Variants in LARP1 observed in about 807,000 individuals in gnomAD.
The protein encoded by LARP1 is la-related protein 1.
Under a neutral mutation model 122.7 loss-of-function variants are expected in LARP1, and 36 were observed. The observed-to-expected ratio is 0.29, with a 90% CI of 0.22 to 0.39. The LOEUF (loss-of-function observed/expected upper bound fraction) is 0.39, where lower values mean the gene tolerates loss of function less well. Among genes scored for constraint, LARP1 ranks in the 10% least tolerant of loss-of-function variants. The pLI, the probability that LARP1 is intolerant of heterozygous loss-of-function variation, is 1.00. For synonymous variants in LARP1, 539 were observed against 528.7 expected, an observed-to-expected ratio of 1.02 and a Z score of -0.27; for missense variants, 1,040 against 1,403.6, an observed-to-expected ratio of 0.74 and a Z score of 4.14.
intron 1 of LARP1, among the ~76,000 whole-genome samples, chr5:154,687,178 A>G (rs1753976836): frequency 6.6e-6 from 1 of 152,244 alleles, no homozygotes; most frequent in Non-Finnish European, 1.5e-5. Flanking sequence ...ATTTTCAAAT[A>G]TAATCTTCAA....
intron 1 of LARP1, chr5:154,685,835 C>T (rs762579883): frequency 3.1e-5 from 16 of 510,066 alleles, no homozygotes; most frequent in Middle Eastern, 3.2e-4. Context: ...ATTTTAGAGA[C>T]GGGGTCTTGC....
At chr5:154,710,066 G>A (rs902671263), upstream of LARP1, among the ~76,000 whole-genome samples, 1 of 152,136 alleles carries the variant, frequency 6.6e-6, no homozygotes, top group African/African-American at 2.4e-5. Flanking sequence ...TCTGACAGGA[G>A]GTGGAGCTCA....
upstream of LARP1, among the ~76,000 whole-genome samples, chr5:154,710,666 T>G (rs559655656): frequency 9.0e-5 from 13 of 144,260 alleles, no homozygotes; most frequent in African/African-American, 3.1e-4. Context: ...TCGCTTGAAC[T>G]CAGGAGGTGG....
intron 1 of LARP1, among the ~76,000 whole-genome samples, chr5:154,715,210 T>G (rs1755424946): frequency 1.3e-5 from 2 of 151,018 alleles, no homozygotes; most frequent in Non-Finnish European, 2.9e-5. Context: ...GTTGAAGATT[T>G]TAAGGCCCCT....
intron 10 of LARP1, among the ~76,000 whole-genome samples, chr5:154,801,775 C>T (rs1055756269): frequency 1.6e-4 from 24 of 152,182 alleles, no homozygotes; most frequent in Admixed American, 1.0e-3. Flanking sequence ...GTTGTTTGTG[C>T]ATGACTGTGA....
intron 3 of LARP1, chr5:154,791,917 T>C (rs1283005755): frequency 1.5e-5 from 7 of 455,574 alleles, no homozygotes; most frequent in Non-Finnish European, 3.1e-5. Context: ...GACTCTGAGA[T>C]AGGTCCTTTT....
intron 1 of LARP1, among the ~76,000 whole-genome samples, chr5:154,767,846 G>A (rs116812298): frequency 7.6e-4 from 116 of 152,256 alleles, no homozygotes; most frequent in African/African-American, 2.6e-3. Flanking sequence ...TTTGGAAATG[G>A]TGAGTGCAAG....
intron 1 of LARP1, among the ~76,000 whole-genome samples, chr5:154,764,620 A>AACT (rs60833875): frequency 6.8e-6 from 1 of 146,880 alleles, no homozygotes; most frequent in African/African-American, 2.5e-5. Flanking sequence ...AAAAAAAAAA[A>AACT]CTGGCTGGGC....
chr5:154,683,177 G>C (rs1398660216), intron 1 of LARP1, among the ~76,000 whole-genome samples: 1 of 152,212 alleles, frequency 6.6e-6, no homozygotes, highest in Non-Finnish European at 1.5e-5. Context: ...GAAAGGCACA[G>C]ATCTTACCCC....
chr5:154,809,180 T>G (rs1461665291), intron 16 of LARP1, among the ~76,000 whole-genome samples: 4 of 151,884 alleles, frequency 2.6e-5, no homozygotes, highest in African/African-American at 9.7e-5. Flanking sequence ...CTTGAGTCCT[T>G]TTTTCCTGGC....
intron 1 of LARP1, among the ~76,000 whole-genome samples, chr5:154,776,187 A>C (rs961001575): frequency 1.3e-5 from 2 of 152,144 alleles, no homozygotes; most frequent in Admixed American, 6.5e-5. Flanking sequence ...TGGGTGAGCA[A>C]ACAGTAAGAT....
intron 15 of LARP1, among the ~76,000 whole-genome samples, chr5:154,806,648 G>A (rs1275220594): frequency 6.6e-6 from 1 of 152,190 alleles, no homozygotes; most frequent in East Asian, 1.9e-4. Flanking sequence ...TGCTCTTTTA[G>A]TATTCTGATA....
At chr5:154,760,728 G>T (rs1169107689) in intron 1 of LARP1, among the ~76,000 whole-genome samples, 2 of 152,168 alleles carry the variant, frequency 1.3e-5, no homozygotes, top group Non-Finnish European at 2.9e-5. Context: ...CAGTTATTCA[G>T]TTTCTAAATG....
chr5:154,812,949 A>G (rs1247987565), intron 18 of LARP1, among the ~76,000 whole-genome samples: 1 of 152,196 alleles, frequency 6.6e-6, no homozygotes, highest in Non-Finnish European at 1.5e-5. Flanking sequence ...GATTATGGGA[A>G]CTACAATTCA....
rs115636333 is a variant in LARP1, at chr5:154,731,463, C to G, written c.205+18333C>G. ...AATGCCTTCCTCTATTTATACACCC[C>G]CTAGAGCAAAAACACATTCCAGAAG... On this transcript the variant is annotated intron_variant, in intron 1 of 18. Coordinates refer to the LARP1 transcript ENST00000336314. Among the ~76,000 whole-genome samples, 1,200 of 152,224 alleles carry G rather than the reference C, an allele frequency of 7.9e-3. 11 individuals carry two copies. Among genetic ancestry groups the G allele is most frequent in the African/African-American group, 0.028 (1,160 of 41,548 alleles).
chr5:154,720,418 T>C (rs1755792415), intron 1 of LARP1, among the ~76,000 whole-genome samples: 2 of 152,092 alleles, frequency 1.3e-5, no homozygotes, highest in South Asian at 2.1e-4. Flanking sequence ...TAATGGTTCA[T>C]AACTGGAAAA....
chr5:154,755,346 CTGCT>C (rs1372254888), upstream of LARP1, among the ~76,000 whole-genome samples: 5 of 150,170 alleles, frequency 3.3e-5, no homozygotes, highest in Admixed American at 2.6e-4. Context: ...ATCGCGTGGT[CTGCT>C]TGGCTCGCCG....
At chr5:154,698,363 G>A (rs566520852) in intron 1 of LARP1, among the ~76,000 whole-genome samples, 25 of 152,260 alleles carry the variant, frequency 1.6e-4, no homozygotes, top group African/African-American at 5.1e-4. Context: ...TTGGGAGGCC[G>A]AGGAGGGTGG....
chr5:154,803,523 T>C lies in LARP1; in HGVS notation c.2234-17T>C. The C allele has an allele frequency of 1.2e-6, 2 of 1,614,046 alleles. No homozygotes were observed. Among genetic ancestry groups the C allele is most frequent in the Non-Finnish European group, 1.7e-6 (2 of 1,179,988 alleles). ...AGGCCTTTCCCTGCTTCCTGACTCC[T>C]CTCTCTGCCTCTGCAGTTCCTACGG... On this transcript the variant is annotated splice_polypyrimidine_tract_variant and intron_variant, in intron 12 of 18. Coordinates refer to ENST00000518297, the MANE Select transcript of LARP1 (RefSeq NM_033551.3). This position sits in a 1 kb window ranked among gnomAD's most constrained non-coding sequence, Gnocchi z 4.4.
Sources: gnomAD v4.1 joint callset for allele counts (sites outside exome capture counted in the v4.1 genomes callset) on GRCh38, gnomAD v4.1.1 for gene constraint, Gnocchi (gnomAD v3.1) non-coding constraint, MANE v1.5 for transcripts, NCBI Gene and HGNC (gene_info 2026-07-23, HGNC 2026-07-21) for gene names.